Variants in JRK observed in about 807,000 individuals in gnomAD.
The protein encoded by JRK is Jrk helix-turn-helix protein, also known as jerky protein homolog.
For missense variants in JRK, 720 were observed against 509.2 expected (o/e 1.41, Z -3.98); for synonymous variants, 303 against 218.1 (o/e 1.39, Z -3.43).
rs1216832242 is a variant in JRK, at chr8:142,665,305, C to T, written c.754G>A (p.Val252Ile). The T allele has an allele frequency of 4.2e-6, 3 of 717,750 alleles. No individual in the cohort carries two copies. The highest frequency in any genetic ancestry group is 7.8e-6 in the Non-Finnish European group (3 of 385,094). 44.5% of individuals were successfully genotyped at this position (717,750 alleles called of 1,614,324 possible). A position where few individuals can be genotyped will look rare whatever the true frequency, so the allele number is the denominator to read the frequency against. Residue 252 changes from valine to isoleucine, a missense_variant, in exon 2 of 2, where the codon GTC becomes ATC. Coordinates refer to ENST00000612905, the MANE Select transcript of JRK (RefSeq NM_003724.4). The stretch of plus-strand genomic sequence containing the variant: ...GCGTTCCCCTGGGCCTTATAGGCGA[C>T]GGGCAGGTGCTGGATGCCTTTGAAA... ...RAFKGIQHLPVAYKAQGNAWV... is the reference protein window; with the variant it reads ...RAFKGIQHLPIAYKAQGNAWV...
chr8:142,658,405 T>G lies in JRK; in HGVS notation c.*5947A>C, dbSNP rs1846807441. The G allele has an allele frequency of 7.3e-6, 1 of 136,652 alleles. No homozygotes were observed. Among genetic ancestry groups the G allele is most frequent in the East Asian group, 2.2e-4 (1 of 4,646 alleles). The allele number at this position is 136,652 out of a possible 1,614,324, so 8.5% of individuals were successfully genotyped here. ...TATTTTATTTCCTTTTTTTTTTTTT[T>G]TAGCAATAAGGTCTTATCATGCCTA... On this transcript the variant is annotated 3_prime_UTR_variant, in exon 2 of 2. Coordinates refer to ENST00000612905, the MANE Select transcript of JRK (RefSeq NM_003724.4).
intron 1 of JRK, among the ~76,000 whole-genome samples, chr8:142,669,663 C>T (rs1198916441): frequency 1.2e-4 from 18 of 151,694 alleles, no homozygotes; most frequent in Admixed American, 1.1e-3. Flanking sequence ...GGGGTGGGTG[C>T]GGCTCGGGGG....
chr8:142,655,699 G>A (rs1846737070), downstream of JRK, among the ~76,000 whole-genome samples: 1 of 152,198 alleles, frequency 6.6e-6, no homozygotes, highest in South Asian at 2.1e-4. Context: ...CAGGTGTCAG[G>A]AAGATTAGAT....
chr8:142,659,271 G>A lies in JRK; in HGVS notation c.*5081C>T. On this transcript the variant is annotated 3_prime_UTR_variant, in exon 2 of 2. Coordinates refer to ENST00000612905, the MANE Select transcript of JRK (RefSeq NM_003724.4). ...GGCCCAGGGACATGCCTTGGCTTGG[G>A]GTGGCTTAGGACCAGGGCAAGACGC... is the stretch of plus-strand genomic sequence containing the variant. 9.3e-7 allele frequency: 1 copy of A among 1,072,014 alleles called. No individual in the cohort carries two copies. Among genetic ancestry groups the A allele is most frequent in the Non-Finnish European group, 1.1e-6 (1 of 882,912 alleles). The allele number at this position is 1,072,014 out of a possible 1,614,324, so 66.4% of individuals were successfully genotyped here. A position where few individuals can be genotyped will look rare whatever the true frequency, so the allele number is the denominator to read the frequency against.
Position 142,662,593 on chromosome 8 carries a change from T to C in JRK, c.*1759A>G. 3 of 985,432 alleles carry C rather than the reference T, an allele frequency of 3.0e-6. No individual in the cohort carries two copies. Among genetic ancestry groups the C allele is most frequent in the South Asian group, 4.7e-5 (1 of 21,288 alleles). 61.0% of individuals were successfully genotyped at this position (985,432 alleles called of 1,614,324 possible). A position where few individuals can be genotyped will look rare whatever the true frequency, so the allele number is the denominator to read the frequency against. ...AGATCTTTAAAAACTATTTGGCTTT[T>C]ATAATCTTCACACATGCATTCAAAG... On this transcript the variant is annotated 3_prime_UTR_variant, in exon 2 of 2. Coordinates refer to ENST00000612905, the MANE Select transcript of JRK (RefSeq NM_003724.4).
Position 142,660,454 on chromosome 8 carries a change from G to A in JRK, c.*3898C>T, listed in dbSNP as rs996621827. On this transcript the variant is annotated 3_prime_UTR_variant, in exon 2 of 2. Coordinates refer to ENST00000612905, the MANE Select transcript of JRK (RefSeq NM_003724.4). Reference sequence around the variant, plus strand: ...GGTCTCTCACTCTGTCACCCAGGCTGGAGTGCAGAGGCCATAACTCACTGC... The same window carrying A: ...GGTCTCTCACTCTGTCACCCAGGCTAGAGTGCAGAGGCCATAACTCACTGC... 3.1e-6 allele frequency: 3 copies of A among 972,704 alleles called. No individual in the cohort carries two copies. The highest frequency in any genetic ancestry group is 3.7e-6 in the Non-Finnish European group (3 of 818,392). 60.3% of individuals were successfully genotyped at this position (972,704 alleles called of 1,614,324 possible). A position where few individuals can be genotyped will look rare whatever the true frequency, so the allele number is the denominator to read the frequency against.
chr8:142,668,031 G>A (rs587700404), intron 1 of JRK, among the ~76,000 whole-genome samples: 5 of 152,314 alleles, frequency 3.3e-5, no homozygotes, highest in Admixed American at 2.0e-4. Context: ...CCCAAACACC[G>A]GGCAGCTCAG....
In JRK at chr8:142,663,653, C is replaced by G; in HGVS notation, c.*699G>C. On this transcript the variant is annotated 3_prime_UTR_variant, in exon 2 of 2. Transcript: ENST00000612905. ...CCTACTTTCTTCCCAGAAAGGAACT[C>G]TACCAAGTCAACTCTCCGTGGGGCC... 17 of 985,500 alleles carry G rather than the reference C, an allele frequency of 1.7e-5. No individual in the cohort carries two copies. The highest frequency in any genetic ancestry group is 2.0e-5 in the Non-Finnish European group (17 of 829,960). The allele number at this position is 985,500 out of a possible 1,614,324, so 61.0% of individuals were successfully genotyped here.
chr8:142,668,101 C>T (rs587654049), intron 1 of JRK, among the ~76,000 whole-genome samples: 12 of 152,356 alleles, frequency 7.9e-5, no homozygotes, highest in South Asian at 6.2e-4. Flanking sequence ...CTCACTCCTC[C>T]GCAGGCCAGC....
the JRK span, among the ~76,000 whole-genome samples, chr8:142,644,641 A>G: frequency 6.6e-6 from 1 of 152,144 alleles, no homozygotes; most frequent in Non-Finnish European, 1.5e-5. Context: ...ACTTGATATC[A>G]CAGGTTATTG....
Position 142,664,105 on chromosome 8 carries a change from C to A in JRK, c.*247G>T, listed in dbSNP as rs1011974573. On this transcript the variant is annotated 3_prime_UTR_variant, in exon 2 of 2. Transcript: ENST00000612905. Reference sequence around the variant, plus strand: ...TGGCTTGTTCTAGGCTAGGGTGGACCCTTCCAAAACATTTCCTCACTTTCG... The same window carrying A: ...TGGCTTGTTCTAGGCTAGGGTGGACACTTCCAAAACATTTCCTCACTTTCG... 2.3e-6 allele frequency: 3 copies of A among 1,309,762 alleles called. No individual in the cohort carries two copies. The Admixed American group carries it at 1.1e-4, about 47-fold the overall frequency. 81.1% of individuals were successfully genotyped at this position (1,309,762 alleles called of 1,614,324 possible). A position where few individuals can be genotyped will look rare whatever the true frequency, so the allele number is the denominator to read the frequency against.
chr8:142,669,285 G>A (rs1296444809), intron 1 of JRK, among the ~76,000 whole-genome samples: 2 of 151,882 alleles, frequency 1.3e-5, no homozygotes, highest in African/African-American at 2.4e-5. Context: ...GAAGAGGTGA[G>A]CTGGGGGTCA....
chr8:142,643,836 C>T, the JRK span, among the ~76,000 whole-genome samples: 1 of 152,196 alleles, frequency 6.6e-6, no homozygotes, highest in Admixed American at 6.5e-5. Flanking sequence ...ATGTAAATAA[C>T]TGTATTGCCA....
Position 142,661,199 on chromosome 8 carries a change from G to A in JRK, c.*3153C>T, listed in dbSNP as rs1473368767. The A allele has an allele frequency of 3.2e-5, 32 of 985,460 alleles. No homozygotes were observed. The highest frequency in any genetic ancestry group is 3.5e-5 in the Non-Finnish European group (29 of 830,030). The allele number at this position is 985,460 out of a possible 1,614,324, so 61.0% of individuals were successfully genotyped here. A position where few individuals can be genotyped will look rare whatever the true frequency, so the allele number is the denominator to read the frequency against. On this transcript the variant is annotated 3_prime_UTR_variant, in exon 2 of 2. Transcript: ENST00000612905. The stretch of plus-strand genomic sequence containing the variant: ...CAGGAGACAGACAACTTCCAGGACA[G>A]CGTGCCTGGGGTGCTCGCAGAAGGC...
Position 142,665,057 on chromosome 8 carries a change from G to C in JRK, c.1002C>G (p.Gly334=). The change falls in exon 2 of 2, where the codon GGC becomes GGG. Residue 334 remains glycine (G), a synonymous_variant. Transcript: ENST00000612905. ...VASLVQPMEQ[G]IRRDFMRNFI... is the part of the protein sequence containing the mutation. ...AGTTCCTCATGAAATCTCTCCGAAT[G>C]CCCTGCTCCATGGGCTGCACCAATG... The C allele has an allele frequency of 1.4e-6, 1 of 717,260 alleles. No homozygotes were observed. Among genetic ancestry groups the C allele is most frequent in the Non-Finnish European group, 2.6e-6 (1 of 384,672 alleles). The allele number at this position is 717,260 out of a possible 1,614,324, so 44.4% of individuals were successfully genotyped here.
chr8:142,651,886 A>G, the JRK span, among the ~76,000 whole-genome samples: 2 of 152,200 alleles, frequency 1.3e-5, no homozygotes, highest in Non-Finnish European at 2.9e-5. Flanking sequence ...AAGCAGGAAA[A>G]AAAACCTCAT....
intron 1 of JRK, among the ~76,000 whole-genome samples, chr8:142,667,767 G>GTT (rs1847177484): frequency 6.6e-6 from 1 of 152,206 alleles, no homozygotes; most frequent in Non-Finnish European, 1.5e-5. Context: ...TTCTGTTGGA[G>GTT]TTTTGAACTA....
In JRK at chr8:142,662,571, T is replaced by C; in HGVS notation, c.*1781A>G. On this transcript the variant is annotated 3_prime_UTR_variant, in exon 2 of 2. Coordinates refer to ENST00000612905, the MANE Select transcript of JRK (RefSeq NM_003724.4). The stretch of plus-strand genomic sequence containing the variant: ...CTGGGACTGTCGTTCAGCACCGAGA[T>C]CTTTAAAAACTATTTGGCTTTTATA... The C allele has an allele frequency of 1.0e-6, 1 of 985,186 alleles. No homozygotes were observed. Among genetic ancestry groups the C allele is most frequent in the Non-Finnish European group, 1.2e-6 (1 of 829,808 alleles). 61.0% of individuals were successfully genotyped at this position (985,186 alleles called of 1,614,324 possible).
chr8:142,661,087 T>C lies in JRK; in HGVS notation c.*3265A>G, dbSNP rs1846901100. The C allele has an allele frequency of 2.0e-6, 2 of 985,338 alleles. No individual in the cohort carries two copies. The highest frequency in any genetic ancestry group is 9.4e-5 in the South Asian group (2 of 21,288). The allele number at this position is 985,338 out of a possible 1,614,324, so 61.0% of individuals were successfully genotyped here. A position where few individuals can be genotyped will look rare whatever the true frequency, so the allele number is the denominator to read the frequency against. Reference sequence around the variant, plus strand: ...GGCAGTCCAGGTGCTCTCCATCGCATGCTCAGCCATGGCTGAGCACGAATG... The same window carrying C: ...GGCAGTCCAGGTGCTCTCCATCGCACGCTCAGCCATGGCTGAGCACGAATG... On this transcript the variant is annotated 3_prime_UTR_variant, in exon 2 of 2. Transcript: ENST00000612905.
Sources: gnomAD v4.1 joint callset for allele counts (sites outside exome capture counted in the v4.1 genomes callset) on GRCh38, gnomAD v4.1.1 for gene constraint, MANE v1.5 for transcripts, NCBI Gene and HGNC (gene_info 2026-07-23, HGNC 2026-07-21) for gene names.